ARMC9: variants seen among roughly 807,000 people sequenced by gnomAD.
The protein encoded by ARMC9 is armadillo repeat containing 9.
Under a neutral mutation model 107.0 loss-of-function variants are expected in ARMC9, and 94 were observed. The ratio of observed to expected loss-of-function variants is 0.88; its 90% CI spans 0.74 to 1.04. ARMC9 has a LOEUF of 1.04. ARMC9 is among the 50% of genes least tolerant of loss of function. The pLI is 0.00. For missense variants in ARMC9, 942 were observed against 1,030.1 expected, an observed-to-expected ratio of 0.91 and a Z score of 1.17; for synonymous variants, 380 against 396.9, an observed-to-expected ratio of 0.96 and a Z score of 0.51.
At chr2:231,338,084 G>A (rs1303905858) in intron 20 of ARMC9, among the ~76,000 whole-genome samples, 3 of 152,186 alleles carry the variant, frequency 2.0e-5, no homozygotes, top group Non-Finnish European at 4.4e-5. Context: ...TGCCAGAAGG[G>A]CAGATTTAGG....
chr2:231,259,067 C>T lies in ARMC9; in HGVS notation c.991C>T (p.Arg331Cys), dbSNP rs376952620. 5.6e-6 allele frequency: 9 copies of T among 1,614,012 alleles called. No homozygotes were observed. The highest frequency in any genetic ancestry group is 2.2e-5 in the East Asian group (1 of 44,874). Residue 331 changes from arginine (R) to cysteine (C), a missense_variant, in exon 11 of 25, where the codon CGC becomes TGC. By Grantham distance (180) the Arg-to-Cys change is radical. Transcript: ENST00000611582. ...LKKDLILGSDRLKAFLLQALR... is the reference protein window; with the variant it reads ...LKKDLILGSDCLKAFLLQALR... Reference sequence around the variant, plus strand: ...GAAGGATTTGATTTTGGGGAGTGACCGCTTGAAAGCCTTCTTGTTGCAGGC... The same window carrying T: ...GAAGGATTTGATTTTGGGGAGTGACTGCTTGAAAGCCTTCTTGTTGCAGGC...
In ARMC9 at chr2:231,199,487, G is replaced by A. The variant is rs553827114; in HGVS notation, c.-42+789G>A. 1.9e-3 allele frequency among the ~76,000 whole-genome samples: 296 copies of A among 152,314 alleles called. 1 individual carries two copies. Among genetic ancestry groups the A allele is most frequent in the African/African-American group, 6.8e-3 (284 of 41,584 alleles). On this transcript the variant is annotated intron_variant, in intron 1 of 24. Coordinates refer to ENST00000611582, the MANE Select transcript of ARMC9 (RefSeq NM_001352754.2). ...TGTAGTGGTTCTTTTCAGCCGCTTA[G>A]TCACTTACTGTGGCTGTTGGGAGTG... is the stretch of plus-strand genomic sequence containing the variant.
intron 9 of ARMC9, among the ~76,000 whole-genome samples, chr2:231,245,100 C>T (rs934443702): frequency 1.3e-5 from 2 of 152,178 alleles, no homozygotes; most frequent in Admixed American, 6.5e-5. Context: ...TTTATAAGGA[C>T]GGTATTCATT....
In ARMC9 at chr2:231,355,804, A is replaced by C; in HGVS notation, c.2001A>C (p.Glu667Asp). The change falls in exon 22 of 25, where the codon GAA (glutamate) becomes GAC (aspartate). Residue 667 changes from glutamate to aspartate, a missense_variant. Transcript: ENST00000611582. ...TTTTCATGTTTTTCTCCAGGGTGGA[A>C]GACCAACACACACCTCCCCAGACAG... is the stretch of plus-strand genomic sequence containing the variant. ...GGHRNGYPVVEDQHTPPQTAQ... is the reference protein window; with the variant it reads ...GGHRNGYPVVDDQHTPPQTAQ... The C allele has an allele frequency of 6.5e-7, 1 of 1,532,368 alleles. No individual in the cohort carries two copies. The highest frequency in any genetic ancestry group is 8.7e-7 in the Non-Finnish European group (1 of 1,144,042). 94.9% of individuals were successfully genotyped at this position (1,532,368 alleles called of 1,614,324 possible). A position where few individuals can be genotyped will look rare whatever the true frequency, so the allele number is the denominator to read the frequency against.
chr2:231,303,295 C>T (rs1478776570), intron 19 of ARMC9, among the ~76,000 whole-genome samples: 2 of 152,128 alleles, frequency 1.3e-5, no homozygotes, highest in Non-Finnish European at 2.9e-5. Flanking sequence ...AAGATTGTGT[C>T]ATCTGTGAAT....
intron 17 of ARMC9, among the ~76,000 whole-genome samples, chr2:231,288,469 A>G (rs560686779): frequency 1.4e-4 from 22 of 152,316 alleles, no homozygotes; most frequent in African/African-American, 5.1e-4. Context: ...TGAATTTCTC[A>G]GGGGAAAATT....
chr2:231,261,644 T>C lies in ARMC9; in HGVS notation c.1027-662T>C, dbSNP rs1387685423. On this transcript the variant is annotated intron_variant, in intron 11 of 24. Coordinates refer to ENST00000611582, the MANE Select transcript of ARMC9 (RefSeq NM_001352754.2). ...GCTCATGCTCCCCTGTGCTGGTTAA[T>C]AGGCTGCCCATCCTGCAGGGACCAG... Among the ~76,000 whole-genome samples, 6 of 152,320 alleles carry C rather than the reference T, an allele frequency of 3.9e-5. No individual in the cohort carries two copies. In the East Asian group the frequency reaches 9.6e-4, roughly 24 times the overall value.
chr2:231,222,389 G>A (rs564664156), intron 5 of ARMC9, among the ~76,000 whole-genome samples: 3 of 152,150 alleles, frequency 2.0e-5, no homozygotes, highest in African/African-American at 4.8e-5. Flanking sequence ...AGTGCTGTGC[G>A]TGCCTAGACT....
At position 231,276,737 on chromosome 2, in the gene ARMC9, C is replaced by G; in HGVS notation, c.1436C>G (p.Ser479Trp). The G allele has an allele frequency of 6.2e-7, 1 of 1,614,162 alleles. No homozygotes were observed. The highest frequency in any genetic ancestry group is 1.7e-4 in the Middle Eastern group (1 of 6,058). ...DCLSDYTLEY[S>W]VALLMNLCLR... is the part of the protein sequence containing the mutation. ...CTGTCTGACTACACGCTGGAGTACT[C>G]GGTGGCTTTGCTCATGAACCTCTGC... Residue 479 changes from serine (S) to tryptophan (W), a missense_variant, in exon 15 of 25, where the codon TCG becomes TGG. Ser to Trp is a radical substitution (Grantham distance 177, BLOSUM62 -3). Transcript: ENST00000611582.
chr2:231,341,325 A>T (rs964550936), intron 20 of ARMC9, among the ~76,000 whole-genome samples: 1 of 152,198 alleles, frequency 6.6e-6, no homozygotes, highest in South Asian at 2.1e-4. Flanking sequence ...TCCTGGCACA[A>T]ATCTGTGATC....
chr2:231,215,908 G>A (rs1013902402), intron 4 of ARMC9, among the ~76,000 whole-genome samples: 13 of 152,302 alleles, frequency 8.5e-5, no homozygotes, highest in African/African-American at 3.1e-4. Flanking sequence ...AAGTCTGGGG[G>A]TCAAAAGAGG....
intron 3 of ARMC9, among the ~76,000 whole-genome samples, chr2:231,213,253 T>C (rs2033111094): frequency 6.7e-6 from 1 of 150,192 alleles, no homozygotes. Context: ...AGCCTCTACC[T>C]CCAAGGCTCA....
intron 19 of ARMC9, among the ~76,000 whole-genome samples, chr2:231,322,316 C>G (rs1228679438): frequency 2.0e-5 from 3 of 152,366 alleles, no homozygotes; most frequent in South Asian, 4.1e-4. Context: ...CACCCTCGCT[C>G]TCCCATGTGG....
chr2:231,313,292 T>G (rs933247872), intron 19 of ARMC9, among the ~76,000 whole-genome samples: 1 of 152,256 alleles, frequency 6.6e-6, no homozygotes, highest in Admixed American at 6.5e-5. Flanking sequence ...ACTTCAGCTC[T>G]CTCATGCTTG....
chr2:231,237,782 T>TATATATATATA (rs1491260929), intron 8 of ARMC9, among the ~76,000 whole-genome samples: 3 of 24,872 alleles, frequency 1.2e-4, no homozygotes, highest in African/African-American at 4.9e-4. Flanking sequence ...TATATATATA[T>TATATATATATA]TTTTTTTTTT....
At chr2:231,266,330 G>A (rs1021973234) in intron 12 of ARMC9, among the ~76,000 whole-genome samples, 1 of 152,186 alleles carries the variant, frequency 6.6e-6, no homozygotes, top group Non-Finnish European at 1.5e-5. Context: ...TCCAGGATGC[G>A]TTGAGAATTA....
At chr2:231,223,983 T>TAA (rs903069093) in intron 6 of ARMC9, among the ~76,000 whole-genome samples, 28 of 152,284 alleles carry the variant, frequency 1.8e-4, no homozygotes, top group Admixed American at 4.6e-4. Flanking sequence ...TTTCTCAGCT[T>TAA]AATTTTTTTT....
rs748186558 is a variant in ARMC9 at position 231,278,413 on chromosome 2, C to T, written c.1506C>T (p.Leu502=). The T allele has an allele frequency of 7.2e-5, 116 of 1,613,994 alleles. No homozygotes were observed. The highest frequency in any genetic ancestry group is 9.3e-5 in the Non-Finnish European group (110 of 1,180,030). Residue 502 remains leucine (L), a synonymous_variant, in exon 16 of 25, where the codon CTC becomes CTT. Coordinates refer to ENST00000611582, the MANE Select transcript of ARMC9 (RefSeq NM_001352754.2). ...ACATGTGTGCCAAGGTGGCAGGCCT[C>T]GTGCTCAAAGTCCTTTCGGATCTTC... ...GKNMCAKVAG[L]VLKVLSDLLG...
intron 24 of ARMC9, 122 bp downstream of exon 24, chr2:231,370,247 A>G: frequency 8.7e-7 from 1 of 1,154,170 alleles, no homozygotes; most frequent in African/African-American, 1.6e-5. Flanking sequence ...CCAGAAGGGC[A>G]GAAGGCCTGC....
Sources: allele counts gnomAD v4.1 joint callset (sites outside exome capture counted in the v4.1 genomes callset), GRCh38; gene constraint gnomAD v4.1.1; transcripts MANE v1.5; gene names NCBI Gene and HGNC (gene_info 2026-07-23, HGNC 2026-07-21).